Variants in WWOX observed in about 807,000 individuals in gnomAD.
WWOX encodes the protein WW domain-containing oxidoreductase.
Under a neutral mutation model 46.2 loss-of-function variants are expected in WWOX, and 69 were observed. The ratio of observed to expected loss-of-function variants is 1.49; its 90% confidence interval spans 1.23 to 1.82. The LOEUF (loss-of-function observed/expected upper bound fraction) is 1.82. Among genes scored for constraint, WWOX ranks in the 40% most tolerant of loss-of-function variants. The pLI is 0.00. For synonymous variants in WWOX, 359 were observed against 202.6 expected, an observed-to-expected ratio of 1.77 and a Z score of -6.56; for missense variants, 919 against 542.6, an observed-to-expected ratio of 1.69 and a Z score of -6.89.
intron 8 of WWOX, among the ~76,000 whole-genome samples, chr16:78,849,568 C>T (rs2052388424): frequency 9.8e-6 from 1 of 101,692 alleles, no homozygotes. Context: ...AGCCTGAATC[C>T]CTCTCAAAAA....
intron 4 of WWOX, among the ~76,000 whole-genome samples, chr16:78,116,081 T>G (rs542188980): frequency 6.6e-6 from 1 of 152,344 alleles, no homozygotes; most frequent in East Asian, 1.9e-4. Context: ...AGGGATGCAA[T>G]GTGAAATAGT....
At chr16:78,274,600 A>G (rs767505291) in intron 5 of WWOX, among the ~76,000 whole-genome samples, 6 of 152,130 alleles carry the variant, frequency 3.9e-5, no homozygotes, top group African/African-American at 1.2e-4. Flanking sequence ...CCAATGTTCA[A>G]TGTTGCTCAT....
At chr16:78,491,272 C>A (rs2738712) in intron 8 of WWOX, among the ~76,000 whole-genome samples, 1 of 152,082 alleles carries the variant, frequency 6.6e-6, no homozygotes, top group Non-Finnish European at 1.5e-5. Flanking sequence ...GCTTTTGTAT[C>A]GTGACTGTCT....
chr16:78,482,830 A>G (rs1283084776), intron 8 of WWOX, among the ~76,000 whole-genome samples: 1 of 152,016 alleles, frequency 6.6e-6, no homozygotes, highest in Admixed American at 6.6e-5. Flanking sequence ...GATCTATCTC[A>G]CTCATCTGCC....
intron 8 of WWOX, among the ~76,000 whole-genome samples, chr16:79,029,810 A>T (rs189821705): frequency 3.3e-5 from 5 of 152,338 alleles, no homozygotes; most frequent in East Asian, 1.9e-4. Context: ...TCCCGCTAGT[A>T]TAAAGACTGT....
chr16:78,856,203 C>T (rs901935086), intron 8 of WWOX, among the ~76,000 whole-genome samples: 1 of 152,104 alleles, frequency 6.6e-6, no homozygotes, highest in African/African-American at 2.4e-5. Context: ...AACAGAATGA[C>T]AGAGGAAAAT....
chr16:78,755,881 G>T (rs61306490), intron 8 of WWOX, among the ~76,000 whole-genome samples: 7,116 of 152,240 alleles, frequency 0.047, 541 homozygotes, highest in African/African-American at 0.16. Flanking sequence ...GTCATATCAA[G>T]AATTACTGTA....
At chr16:78,634,331 A>G (rs1282114574) in intron 8 of WWOX, among the ~76,000 whole-genome samples, 8 of 152,172 alleles carry the variant, frequency 5.3e-5, no homozygotes, top group Admixed American at 3.9e-4. Flanking sequence ...CTTATTTTTA[A>G]GTCATCCTTA....
intron 8 of WWOX, among the ~76,000 whole-genome samples, chr16:78,694,527 A>G (rs13332810): frequency 0.016 from 2,414 of 152,226 alleles, 58 homozygotes; most frequent in African/African-American, 0.053. Flanking sequence ...GCAAACCCAT[A>G]AATTCCACTT....
chr16:78,138,175 G>T (rs915711116), intron 4 of WWOX, among the ~76,000 whole-genome samples: 3 of 150,808 alleles, frequency 2.0e-5, no homozygotes, highest in African/African-American at 7.3e-5. Flanking sequence ...GACAACGCCA[G>T]TCCCTCTGAT....
At chr16:78,984,224 A>G (rs1353937343) in intron 8 of WWOX, among the ~76,000 whole-genome samples, 2 of 152,092 alleles carry the variant, frequency 1.3e-5, no homozygotes, top group East Asian at 1.9e-4. Context: ...CGGTATAACC[A>G]TGTGGCACAT....
chr16:79,057,015 C>G (rs779888898), intron 8 of WWOX, among the ~76,000 whole-genome samples: 3 of 152,076 alleles, frequency 2.0e-5, no homozygotes, highest in Non-Finnish European at 4.4e-5. Context: ...TTTACAAATA[C>G]GAAGGAAAAA....
chr16:78,734,674 G>T (rs1653905642), intron 8 of WWOX, among the ~76,000 whole-genome samples: 1 of 151,788 alleles, frequency 6.6e-6, no homozygotes, highest in Non-Finnish European at 1.5e-5. Context: ...GTCTGTGAGT[G>T]TGTTTCTGGG....
At chr16:78,910,506 GTTT>G (rs3085520) in intron 8 of WWOX, among the ~76,000 whole-genome samples, 63,778 of 147,570 alleles carry the variant, frequency 0.43, 13,839 homozygotes, top group Middle Eastern at 0.48. Context: ...AGGATCTTTT[GTTT>G]TTTTTTTTTT....
At chr16:78,646,786 G>C (rs72792802) in intron 8 of WWOX, among the ~76,000 whole-genome samples, 117 of 152,254 alleles carry the variant, frequency 7.7e-4, no homozygotes, top group Admixed American at 1.5e-3. Context: ...TAGAACATAA[G>C]CTCTCTGAAG....
At chr16:78,880,037 G>C (rs1481852496) in intron 8 of WWOX, among the ~76,000 whole-genome samples, 1 of 152,282 alleles carries the variant, frequency 6.6e-6, no homozygotes, top group East Asian at 1.9e-4. Flanking sequence ...AGTAGATAAA[G>C]TAAAAGAGTG....
At chr16:79,071,094 C>T (rs187882891) in intron 8 of WWOX, among the ~76,000 whole-genome samples, 57 of 152,238 alleles carry the variant, frequency 3.7e-4, no homozygotes, top group South Asian at 2.1e-3. Flanking sequence ...TTTTATGATT[C>T]CCATTTATTC....
chr16:79,165,933 C>G (rs2050585695), intron 8 of WWOX, among the ~76,000 whole-genome samples: 2 of 152,208 alleles, frequency 1.3e-5, no homozygotes, highest in Non-Finnish European at 2.9e-5. Flanking sequence ...TACCAGCCCT[C>G]TCAGACATTT....
intron 5 of WWOX, among the ~76,000 whole-genome samples, chr16:78,370,798 G>T (rs956448572): frequency 6.8e-6 from 1 of 147,906 alleles, no homozygotes; most frequent in Non-Finnish European, 1.5e-5. Flanking sequence ...TGGGGGGGGG[G>T]GGGCAATGCA....
Sources: allele counts gnomAD v4.1 joint callset (sites outside exome capture counted in the v4.1 genomes callset), GRCh38; gene constraint gnomAD v4.1.1; transcripts MANE v1.5; gene names NCBI Gene and HGNC (gene_info 2026-07-23, HGNC 2026-07-21).